Variants in PANK4 observed in about 807,000 individuals in gnomAD.
PANK4 encodes pantothenate kinase 4 (inactive).
PANK4 carries 40 observed loss-of-function variants against 87.9 expected under a neutral mutation model. That is an observed-to-expected ratio of 0.46 (90% CI 0.35 to 0.59). The LOEUF (loss-of-function observed/expected upper bound fraction) is 0.59, where lower values mean the gene tolerates loss of function less well. Among genes scored for constraint, PANK4 ranks in the 20% least tolerant of loss-of-function variants. PANK4 has a pLI of 0.00. For synonymous variants in PANK4, 524 were observed against 467.4 expected (o/e 1.12, Z -1.56); for missense variants, 926 against 1,072.3 (o/e 0.86, Z 1.90).
Position 2,514,423 on chromosome 1 carries a change from G to C in PANK4, c.1418C>G (p.Ala473Gly), listed in dbSNP as rs1643721438. 3.1e-6 allele frequency: 5 copies of C among 1,612,094 alleles called. No homozygotes were observed. Among genetic ancestry groups the C allele is most frequent in the Non-Finnish European group, 4.2e-6 (5 of 1,179,882 alleles). Residue 473 changes from alanine to glycine, a missense_variant, in exon 11 of 19, where the codon GCA becomes GGA. Transcript: ENST00000378466. ...AVASQPDSVD[A>G]AERAEKFRQK... Reference sequence around the variant, plus strand: ...CCGGAACTTCTCCGCCCTCTCGGCTGCATCCACAGAGTCTGGCTGGCTCGC... The same window carrying C: ...CCGGAACTTCTCCGCCCTCTCGGCTCCATCCACAGAGTCTGGCTGGCTCGC...
chr1:2,520,312 T>C lies in PANK4; in HGVS notation c.699+10A>G. 6.2e-7 allele frequency: 1 copy of C among 1,611,524 alleles called. No individual in the cohort carries two copies. Among genetic ancestry groups the C allele is most frequent in the Non-Finnish European group, 8.5e-7 (1 of 1,178,718 alleles). ...AGACCCCTGGAAGGTCTCTGGCAGC[T>C]GCCGCATACCTTCGTTTTGGTGAGC... On this transcript the variant is annotated intron_variant, in intron 5 of 18. Coordinates refer to ENST00000378466, the MANE Select transcript of PANK4 (RefSeq NM_018216.4). This position sits in a 1 kb window ranked among gnomAD's most constrained non-coding sequence, Gnocchi z 6.2.
In PANK4 at chr1:2,519,423, G is replaced by A. The variant is rs1643846199; in HGVS notation, c.854-99C>T. On this transcript the variant is annotated intron_variant, in intron 6 of 18. Coordinates refer to ENST00000378466, the MANE Select transcript of PANK4 (RefSeq NM_018216.4). This position sits in a 1 kb window ranked among gnomAD's most constrained non-coding sequence, Gnocchi z 8.3. The stretch of plus-strand genomic sequence containing the variant: ...GGGGGAGAGAGAGCTGAGTGGGAGG[G>A]GAGGGGGAGAGAGAGCTGAGTGGGA... 5 of 300,334 alleles carry A rather than the reference G, an allele frequency of 1.7e-5. No individual in the cohort carries two copies. The East Asian group carries it at 5.0e-4, about 30-fold the overall frequency. The allele number at this position is 300,334 out of a possible 1,614,324, so 18.6% of individuals were successfully genotyped here. A position where few individuals can be genotyped will look rare whatever the true frequency, so the allele number is the denominator to read the frequency against.
chr1:2,524,510 G>A (rs889907325), intron 1 of PANK4, among the ~76,000 whole-genome samples: 5 of 152,144 alleles, frequency 3.3e-5, no homozygotes, highest in Non-Finnish European at 5.9e-5. Flanking sequence ...CTTTGAAGAG[G>A]GGAAATAAAT....
chr1:2,520,697 C>A lies in PANK4; in HGVS notation c.606+26G>T. ...ACAAACTATGGCTAAACCATCCACTCATTCATTCATGAAGCCGGGTCTTAC... is the reference window on the plus strand; with the variant it reads ...ACAAACTATGGCTAAACCATCCACTAATTCATTCATGAAGCCGGGTCTTAC... On this transcript the variant is annotated intron_variant, in intron 4 of 18. Transcript: ENST00000378466. This position sits in a 1 kb window ranked among gnomAD's most constrained non-coding sequence, Gnocchi z 6.2. The A allele has an allele frequency of 6.3e-7, 1 of 1,598,580 alleles. No individual in the cohort carries two copies. The highest frequency in any genetic ancestry group is 8.6e-7 in the Non-Finnish European group (1 of 1,168,400).
Position 2,519,029 on chromosome 1 carries a change from G to T in PANK4, c.1035+114C>A. The T allele has an allele frequency of 3.0e-6, 3 of 990,928 alleles. No individual in the cohort carries two copies. Among genetic ancestry groups the T allele is most frequent in the Non-Finnish European group, 4.5e-6 (3 of 660,694 alleles). 61.4% of individuals were successfully genotyped at this position (990,928 alleles called of 1,614,324 possible). On this transcript the variant is annotated intron_variant, in intron 7 of 18. Transcript: ENST00000378466. This position sits in a 1 kb window ranked among gnomAD's most constrained non-coding sequence, Gnocchi z 8.3. ...AGAAGGGAGGGGTGCTGGGCTTCTT[G>T]GCCCCCACCCTCCAGGCCTCCCTGG...
intron 1 of PANK4, among the ~76,000 whole-genome samples, chr1:2,523,536 G>T (rs1030675810): frequency 6.6e-6 from 1 of 152,162 alleles, no homozygotes; most frequent in Non-Finnish European, 1.5e-5. Flanking sequence ...TCAGGCCCTG[G>T]GTTCTTTGTG....
At position 2,510,962 on chromosome 1, in the gene PANK4, G is replaced by A. The variant is rs1489504269; in HGVS notation, c.1834-180C>T. The stretch of plus-strand genomic sequence containing the variant: ...GACCAGGGGCTTCAGGGCCCCAGAG[G>A]TGCCGGGACTGGGCTGGGCTGCAGG... On this transcript the variant is annotated intron_variant, in intron 15 of 18. Transcript: ENST00000378466. This position sits in a 1 kb window ranked among gnomAD's most constrained non-coding sequence, Gnocchi z 4.9. Among the ~76,000 whole-genome samples, 1 of 152,074 alleles carries A rather than the reference G, an allele frequency of 6.6e-6. No individual in the cohort carries two copies. The highest frequency in any genetic ancestry group is 1.5e-5 in the Non-Finnish European group (1 of 67,992).
intron 9 of PANK4, among the ~76,000 whole-genome samples, chr1:2,517,445 T>C (rs1251221705): frequency 1.3e-5 from 2 of 152,236 alleles, no homozygotes; most frequent in East Asian, 3.8e-4. Context: ...GCTTTGTGCG[T>C]GACCTCAGGT....
At chr1:2,523,445 G>A (rs939413383) in intron 1 of PANK4, among the ~76,000 whole-genome samples, 1 of 152,290 alleles carries the variant, frequency 6.6e-6, no homozygotes. Context: ...AACGACAGAT[G>A]ATGCAAGAGG....
chr1:2,522,722 T>C (rs866541672), intron 1 of PANK4, among the ~76,000 whole-genome samples: 2 of 128,744 alleles, frequency 1.6e-5, no homozygotes, highest in Non-Finnish European at 1.7e-5. Flanking sequence ...GGGCACTGTG[T>C]GTGTTATAGT....
Position 2,515,719 on chromosome 1 carries a change from T to C in PANK4, c.1219-2A>G. The C allele has an allele frequency of 1.2e-6, 2 of 1,612,606 alleles. No homozygotes were observed. Among genetic ancestry groups the C allele is most frequent in the Non-Finnish European group, 1.7e-6 (2 of 1,179,750 alleles). On this transcript the variant is annotated splice_acceptor_variant, in intron 9 of 18. Coordinates refer to ENST00000378466, the MANE Select transcript of PANK4 (RefSeq NM_018216.4). LOFTEE classifies it high-confidence loss of function. The surrounding 1 kb of genome is among the most constrained non-coding windows in gnomAD (Gnocchi z 5.0). ...CCGGTCCATTTCCAGCAAGTCAAAC[T>C]GGAAGACAGGCAGTGGCAGGGTGGA... is the stretch of plus-strand genomic sequence containing the variant.
rs1643867051 is a variant in PANK4 at position 2,520,621 on chromosome 1, T to C, written c.606+102A>G. ...GCCTCGCCACCCCCCTCCCGCCCAC[T>C]GGGCCCCATCCATGTGCCCAGCCCT... On this transcript the variant is annotated intron_variant, in intron 4 of 18. Coordinates refer to ENST00000378466, the MANE Select transcript of PANK4 (RefSeq NM_018216.4). The surrounding 1 kb of genome is among the most constrained non-coding windows in gnomAD (Gnocchi z 6.2). The C allele has an allele frequency of 6.0e-6, 6 of 999,334 alleles. No individual in the cohort carries two copies. Among genetic ancestry groups the C allele is most frequent in the African/African-American group, 3.5e-5 (2 of 57,630 alleles). 61.9% of individuals were successfully genotyped at this position (999,334 alleles called of 1,614,324 possible).
rs1339339176 is a variant in PANK4 at position 2,518,563 on chromosome 1, C to G, written c.1070G>C (p.Gly357Ala). The G allele has an allele frequency of 1.3e-6, 2 of 1,574,260 alleles. No homozygotes were observed. Among genetic ancestry groups the G allele is most frequent in the Non-Finnish European group, 1.7e-6 (2 of 1,159,860 alleles). Reference sequence around the variant, plus strand: ...GAACGCTCCGATGGCTCCCAGGTAGCCTTCGTGCCTCAGAAACAGCGCCTG... The same window carrying G: ...GAACGCTCCGATGGCTCCCAGGTAGGCTTCGTGCCTCAGAAACAGCGCCTG... ...EVQALFLRHE[G>A]YLGAIGAFLK... The change falls in exon 8 of 19, where the codon GGC (glycine) becomes GCC (alanine). Residue 357 changes from glycine (G) to alanine (A), a missense_variant. Coordinates refer to ENST00000378466, the MANE Select transcript of PANK4 (RefSeq NM_018216.4).
At chr1:2,523,847 G>A (rs1643898391) in intron 1 of PANK4, among the ~76,000 whole-genome samples, 2 of 152,264 alleles carry the variant, frequency 1.3e-5, no homozygotes, top group South Asian at 4.1e-4. Flanking sequence ...GGCAGTGACA[G>A]GAGTGCCTCC....
chr1:2,514,658 G>A (rs1338530657), intron 10 of PANK4, among the ~76,000 whole-genome samples, 192 bp from the exon 11 acceptor site: 1 of 137,048 alleles, frequency 7.3e-6, no homozygotes, highest in African/African-American at 2.7e-5. Flanking sequence ...GGCAGGGTGG[G>A]GGCTAGCTAT....
In PANK4 at chr1:2,520,476, CCCCCGCCCCATGTGCTGCGCTGGGGTGAA is replaced by C; in HGVS notation, c.607-91_607-63del. The C allele has an allele frequency of 8.9e-7, 1 of 1,123,824 alleles. No homozygotes were observed. The highest frequency in any genetic ancestry group is 1.2e-6 in the Non-Finnish European group (1 of 810,302). The allele number at this position is 1,123,824 out of a possible 1,614,324, so 69.6% of individuals were successfully genotyped here. A position where few individuals can be genotyped will look rare whatever the true frequency, so the allele number is the denominator to read the frequency against. On this transcript the variant is annotated intron_variant, in intron 4 of 18. Coordinates refer to ENST00000378466, the MANE Select transcript of PANK4 (RefSeq NM_018216.4). The surrounding 1 kb of genome is among the most constrained non-coding windows in gnomAD (Gnocchi z 6.2). Reference sequence around the variant, plus strand: ...CCCTCAGCCACACAGGCTCCCCCGCCCCCCGCCCCATGTGCTGCGCTGGGGTGAACCCCGCCCCCACCCCAACCGCCAGT... The same window carrying C: ...CCCTCAGCCACACAGGCTCCCCCGCCCCCCGCCCCCACCCCAACCGCCAGT...
rs113929893 is a variant in PANK4 at position 2,515,802 on chromosome 1, T to C, written c.1219-85A>G. ...CACTCAGAAGCTTCCACTCTCTCTC[T>C]AAGAAGGGAGATGTACTGCCTTCTT... On this transcript the variant is annotated intron_variant, in intron 9 of 18. Coordinates refer to ENST00000378466, the MANE Select transcript of PANK4 (RefSeq NM_018216.4). The surrounding 1 kb of genome is among the most constrained non-coding windows in gnomAD (Gnocchi z 5.0). The C allele has an allele frequency of 1.4e-3, 1,884 of 1,309,514 alleles. 27 individuals carry two copies. The African/African-American group carries it at 0.024, about 17-fold the overall frequency. The allele number at this position is 1,309,514 out of a possible 1,614,324, so 81.1% of individuals were successfully genotyped here.
rs1643643293 is a variant in PANK4, at chr1:2,510,523, T to C, written c.1938+155A>G. 3 of 646,772 alleles carry C rather than the reference T, an allele frequency of 4.6e-6. No individual in the cohort carries two copies. The highest frequency in any genetic ancestry group is 4.3e-4 in the Middle Eastern group (1 of 2,324). The allele number at this position is 646,772 out of a possible 1,614,324, so 40.1% of individuals were successfully genotyped here. A position where few individuals can be genotyped will look rare whatever the true frequency, so the allele number is the denominator to read the frequency against. On this transcript the variant is annotated intron_variant, in intron 16 of 18. Transcript: ENST00000378466. The surrounding 1 kb of genome is among the most constrained non-coding windows in gnomAD (Gnocchi z 4.9). ...GGCTCGGAGCCTCCACCCCAGCAGATGACGGCTCTGGGCCGCCTCCCCCGT... is the reference window on the plus strand; with the variant it reads ...GGCTCGGAGCCTCCACCCCAGCAGACGACGGCTCTGGGCCGCCTCCCCCGT...
In PANK4 at chr1:2,519,764, C is replaced by T; in HGVS notation, c.853+37G>A. The T allele has an allele frequency of 6.5e-7, 1 of 1,532,302 alleles. No homozygotes were observed. The highest frequency in any genetic ancestry group is 8.8e-7 in the Non-Finnish European group (1 of 1,138,472). The allele number at this position is 1,532,302 out of a possible 1,614,324, so 94.9% of individuals were successfully genotyped here. ...TCCGTGAGACCCCAAGTGTCCCCAC[C>T]ATCCTGCTCTCTGGCGGCAGAGGCC... is the stretch of plus-strand genomic sequence containing the variant. On this transcript the variant is annotated intron_variant, in intron 6 of 18. Coordinates refer to ENST00000378466, the MANE Select transcript of PANK4 (RefSeq NM_018216.4). This position sits in a 1 kb window ranked among gnomAD's most constrained non-coding sequence, Gnocchi z 8.3.
Sources: gnomAD v4.1 joint callset for allele counts (sites outside exome capture counted in the v4.1 genomes callset) on GRCh38, gnomAD v4.1.1 for gene constraint, Gnocchi (gnomAD v3.1) non-coding constraint, MANE v1.5 for transcripts, NCBI Gene and HGNC (gene_info 2026-07-23, HGNC 2026-07-21) for gene names.